Variants in CAMTA1 observed in about 807,000 individuals in gnomAD.
CAMTA1 encodes the protein calmodulin-binding transcription activator 1.
A neutral mutation model predicts 170.9 loss-of-function variants in CAMTA1; 27 were observed. That is an observed-to-expected ratio of 0.16 (90% CI 0.12 to 0.22). CAMTA1 has a LOEUF of 0.22. Ranked by LOEUF, CAMTA1 falls within the 10% of genes least tolerant of loss-of-function variation. The probability of loss-of-function intolerance (pLI) is 1.00; values close to 1 mark genes in which losing one functional copy is unlikely to be tolerated. For missense variants in CAMTA1, 1,619 were observed against 2,217.2 expected (o/e 0.73, Z 5.42); for synonymous variants, 833 against 891.5 (o/e 0.93, Z 1.17).
intron 11 of CAMTA1, among the ~76,000 whole-genome samples, chr1:7,679,566 T>C (rs2096163685): frequency 8.7e-5 from 10 of 115,296 alleles, no homozygotes; most frequent in African/African-American, 2.3e-4. Flanking sequence ...GGGCACCTGC[T>C]CCCTAGCTGC....
At chr1:7,077,807 T>A (rs1572881541) in intron 3 of CAMTA1, among the ~76,000 whole-genome samples, 1 of 152,128 alleles carries the variant, frequency 6.6e-6, no homozygotes, top group East Asian at 1.9e-4. Context: ...AATGCCCACT[T>A]CTGCTGTGTT....
intron 7 of CAMTA1, among the ~76,000 whole-genome samples, chr1:7,651,724 A>G (rs139762117): frequency 1.2e-3 from 178 of 152,386 alleles, no homozygotes; most frequent in African/African-American, 4.3e-3. Context: ...TGAACTGGCA[A>G]GAGGCAACCA....
intron 5 of CAMTA1, among the ~76,000 whole-genome samples, chr1:7,310,621 T>G (rs1406013739): frequency 5.2e-4 from 2 of 3,876 alleles, no homozygotes; most frequent in Non-Finnish European, 1.0e-3. Context: ...TCTTTCTTTC[T>G]TTCTTTCTTT....
Position 7,300,033 on chromosome 1 carries a change from A to G in CAMTA1, c.438+50407A>G, listed in dbSNP as rs1674533634. Reference sequence around the variant, plus strand: ...CCTGTACCTTAAGTAATTATCATTTAGAATAAAGTCAGAAAATTGCTTGCT... The same window carrying G: ...CCTGTACCTTAAGTAATTATCATTTGGAATAAAGTCAGAAAATTGCTTGCT... On this transcript the variant is annotated intron_variant, in intron 5 of 22. Transcript: ENST00000303635. This position sits in a 1 kb window ranked among gnomAD's most constrained non-coding sequence, Gnocchi z 4.1. 6.6e-6 allele frequency among the ~76,000 whole-genome samples: 1 copy of G among 152,228 alleles called. No individual in the cohort carries two copies. The highest frequency in any genetic ancestry group is 1.5e-5 in the Non-Finnish European group (1 of 68,034).
chr1:6,831,355 C>T (rs1033338663), intron 3 of CAMTA1, among the ~76,000 whole-genome samples: 20 of 152,160 alleles, frequency 1.3e-4, no homozygotes. Flanking sequence ...AAGGTTTCTG[C>T]ATTTTAAGTT....
intron 3 of CAMTA1, among the ~76,000 whole-genome samples, chr1:6,945,444 GT>G (rs1246546374): frequency 6.6e-6 from 1 of 152,056 alleles, no homozygotes; most frequent in Non-Finnish European, 1.5e-5. Flanking sequence ...AACCTCCTGG[GT>G]TTAGGTGATC....
intron 6 of CAMTA1, among the ~76,000 whole-genome samples, chr1:7,573,158 C>A (rs924320060): frequency 2.0e-5 from 3 of 152,170 alleles, no homozygotes; most frequent in African/African-American, 4.8e-5. Flanking sequence ...TGCTAAGGAT[C>A]GATGGAAACT....
intron 9 of CAMTA1, among the ~76,000 whole-genome samples, chr1:7,668,406 C>CAT (rs1457327527): frequency 7.1e-6 from 1 of 141,330 alleles, no homozygotes; most frequent in Non-Finnish European, 1.5e-5. Flanking sequence ...CACACACACA[C>CAT]ACACACACAC....
At chr1:7,015,287 C>G (rs1330102934) in intron 3 of CAMTA1, among the ~76,000 whole-genome samples, 6 of 152,158 alleles carry the variant, frequency 3.9e-5, no homozygotes, top group Admixed American at 3.9e-4. Context: ...GCTCCCCTGA[C>G]TCTATTCCTC....
In CAMTA1 at chr1:7,633,023, C is replaced by A. The variant is rs1352774177; in HGVS notation, c.511-7377C>A. ...CCTGAGCCCTCTGCCTGCCTCACCC[C>A]CTCCTGGCAAGGTTCAGGCTAGCAC... On this transcript the variant is annotated intron_variant, in intron 6 of 22. Coordinates refer to ENST00000303635, the MANE Select transcript of CAMTA1 (RefSeq NM_015215.4). The surrounding 1 kb of genome is among the most constrained non-coding windows in gnomAD (Gnocchi z 4.1). Among the ~76,000 whole-genome samples, 1 of 152,234 alleles carries A rather than the reference C, an allele frequency of 6.6e-6. No individual in the cohort carries two copies. The highest frequency in any genetic ancestry group is 1.5e-5 in the Non-Finnish European group (1 of 68,042).
chr1:7,688,031 CAG>C (rs1161145908), intron 11 of CAMTA1, among the ~76,000 whole-genome samples: 2 of 34,826 alleles, frequency 5.7e-5, no homozygotes, highest in Non-Finnish European at 1.5e-4. Flanking sequence ...TTTTTTTTGG[CAG>C]AGTCTTGCTC....
intron 3 of CAMTA1, chr1:6,888,212 A>G (rs970561586): frequency 4.1e-6 from 4 of 986,094 alleles, no homozygotes; most frequent in Non-Finnish European, 3.6e-6. Flanking sequence ...TGTGTGGGTC[A>G]CTTGCGTCGC....
At chr1:7,712,797 G>C (rs1359325522) in intron 11 of CAMTA1, among the ~76,000 whole-genome samples, 1 of 152,026 alleles carries the variant, frequency 6.6e-6, no homozygotes, top group Admixed American at 6.6e-5. Context: ...CCACATAGCT[G>C]GGGTGGCCTC....
intron 5 of CAMTA1, among the ~76,000 whole-genome samples, chr1:7,342,096 C>G (rs1054578440): frequency 1.3e-5 from 2 of 152,358 alleles, no homozygotes; most frequent in South Asian, 4.1e-4. Context: ...AGGCACACAG[C>G]AGTTTCCTCA....
intron 3 of CAMTA1, among the ~76,000 whole-genome samples, chr1:6,865,794 T>C (rs1269671103): frequency 1.3e-5 from 2 of 152,168 alleles, no homozygotes; most frequent in Non-Finnish European, 2.9e-5. Context: ...AATTAAATAC[T>C]TTGTCCAAGG....
chr1:7,197,193 C>A (rs1002330528), intron 4 of CAMTA1, among the ~76,000 whole-genome samples: 2 of 152,162 alleles, frequency 1.3e-5, no homozygotes, highest in Admixed American at 6.5e-5. Context: ...AGCTGTGACA[C>A]CCTCTGAGAA....
intron 3 of CAMTA1, among the ~76,000 whole-genome samples, chr1:6,937,820 T>C (rs72638546): frequency 0.68 from 101,393 of 149,522 alleles, 34,636 homozygotes; most frequent in Admixed American, 0.75. Flanking sequence ...CTGTCATCAC[T>C]ACCATAACCA....
At chr1:7,110,036 G>A (rs577231960) in intron 4 of CAMTA1, among the ~76,000 whole-genome samples, 3 of 152,156 alleles carry the variant, frequency 2.0e-5, no homozygotes, top group Non-Finnish European at 2.9e-5. Flanking sequence ...AAATGAGCCC[G>A]AGGTGGCCTG....
chr1:6,886,960 AG>A lies in CAMTA1; in HGVS notation c.234+61751del, dbSNP rs1673412558. Among the ~76,000 whole-genome samples, 5 of 152,338 alleles carry A rather than the reference AG, an allele frequency of 3.3e-5. 1 individual carries two copies. The Middle Eastern group carries it at 0.017, about 518-fold the overall frequency. ...CATGGAAACCAGAGTATCCCTTTGA[AG>A]TATTATATTCTTCTAATCTATGAAA... On this transcript the variant is annotated intron_variant, in intron 3 of 22. Coordinates refer to ENST00000303635, the MANE Select transcript of CAMTA1 (RefSeq NM_015215.4).
Sources: allele counts gnomAD v4.1 joint callset (sites outside exome capture counted in the v4.1 genomes callset), GRCh38; gene constraint gnomAD v4.1.1; non-coding constraint Gnocchi (gnomAD v3.1); transcripts MANE v1.5; gene names NCBI Gene and HGNC (gene_info 2026-07-23, HGNC 2026-07-21).